TAF1: variants seen among roughly 807,000 people sequenced by gnomAD.
TAF1 encodes the protein transcription initiation factor TFIID subunit 1.
In TAF1, 2 loss-of-function variants were observed where a neutral mutation model predicts 138.5. The observed-to-expected ratio is 0.01, with a 90% CI of 0.01 to 0.05. The LOEUF (loss-of-function observed/expected upper bound fraction) is 0.05, where lower values mean the gene tolerates loss of function less well. Ranked by LOEUF, TAF1 falls within the 10% of genes least tolerant of loss-of-function variation. The pLI is 1.00. For synonymous variants in TAF1, 437 were observed against 503.2 expected, an observed-to-expected ratio of 0.87 and a Z score of 1.76; for missense variants, 709 against 1,478.0, an observed-to-expected ratio of 0.48 and a Z score of 8.53.
At chrX:71,396,159 AAAAT>A (rs1260244916) in intron 22 of TAF1, among the ~76,000 whole-genome samples, 4 of 109,734 alleles carry the variant, frequency 3.6e-5, no homozygotes, top group Non-Finnish European at 5.7e-5. Flanking sequence ...AAAAAAAAAA[AAAAT>A]AACCTACATT....
intron 9 of TAF1, 54 bp downstream of exon 9, chrX:71,381,973 T>C: frequency 3.6e-6 from 4 of 1,098,081 alleles, no homozygotes; most frequent in Non-Finnish European, 1.2e-6. Flanking sequence ...TTGCTGTTAA[T>C]GTCAACGGGC....
chrX:71,424,679 A>G (rs1323379103), intron 32 of TAF1, among the ~76,000 whole-genome samples: 1 of 111,924 alleles, frequency 8.9e-6, no homozygotes, highest in Admixed American at 9.5e-5. Context: ...CAGGAGTGCA[A>G]TGGCACGATC....
intron 32 of TAF1, among the ~76,000 whole-genome samples, chrX:71,438,277 C>T (rs951480110): frequency 4.5e-5 from 5 of 111,763 alleles, no homozygotes; most frequent in African/African-American, 1.6e-4. Flanking sequence ...GGTAACTCCC[C>T]TTCTTCCCAG....
At chrX:71,405,682 G>A (rs1349283781) in intron 25 of TAF1, among the ~76,000 whole-genome samples, 1 of 111,892 alleles carries the variant, frequency 8.9e-6, no homozygotes, top group Non-Finnish European at 1.9e-5. Context: ...ACTAATATCC[G>A]TAATAGTCAT....
chrX:71,444,164 C>T (rs1202519934), intron 32 of TAF1, among the ~76,000 whole-genome samples: 1 of 110,460 alleles, frequency 9.1e-6, no homozygotes, highest in Admixed American at 9.7e-5. Context: ...CCTGCTATTA[C>T]GCCTGGCTAA....
At chrX:71,518,537 T>G (rs1031248020) in intron 13 of TAF1, among the ~76,000 whole-genome samples, 1 of 110,951 alleles carries the variant, frequency 9.0e-6, no homozygotes, top group Non-Finnish European at 1.9e-5. Flanking sequence ...TTCTGTGGGA[T>G]TCTAAATACA....
intron 13 of TAF1, among the ~76,000 whole-genome samples, chrX:71,483,776 C>CTATATATA (rs1292946317): frequency 2.7e-4 from 17 of 63,580 alleles, no homozygotes; most frequent in South Asian, 9.1e-4. Flanking sequence ...CTCTCTCTCT[C>CTATATATA]TCTCTATATA....
At chrX:71,405,991 T>A (rs185581919) in intron 25 of TAF1, among the ~76,000 whole-genome samples, 117 of 111,839 alleles carry the variant, frequency 1.0e-3, no homozygotes, top group South Asian at 3.0e-3. Flanking sequence ...AACCAGTTTT[T>A]AATTTCTTGT....
Position 71,519,301 on chromosome X carries a change from C to T in TAF1, c.1367-9241C>T, listed in dbSNP as rs745688601. Among the ~76,000 whole-genome samples the T allele has an allele frequency of 4.4e-5, 4 of 90,579 alleles. No homozygotes were observed. In the East Asian group the frequency reaches 1.1e-3, roughly 24 times the overall value. 78.7% of individuals were successfully genotyped at this position (90,579 alleles called of 115,157 possible). ...TCAAGCCACTGCACTCTAGCCTGGG[C>T]GACAGAGCGAGACTCCGTCTCAAAA... is the stretch of plus-strand genomic sequence containing the variant. On this transcript the variant is annotated intron_variant and NMD_transcript_variant, in intron 13 of 14. Transcript: ENST00000373775.
At chrX:71,524,669 G>A (rs937723176) in intron 13 of TAF1, among the ~76,000 whole-genome samples, 1 of 109,274 alleles carries the variant, frequency 9.2e-6, no homozygotes, top group Non-Finnish European at 1.9e-5. Flanking sequence ...ATGGCTGGGT[G>A]TGGTGGCTCA....
At chrX:71,481,140 G>A (rs772189031) in intron 13 of TAF1, among the ~76,000 whole-genome samples, 38 of 111,893 alleles carry the variant, frequency 3.4e-4, no homozygotes, top group Non-Finnish European at 6.0e-4. Context: ...GTAGCCAGAC[G>A]TGGTGGTGCA....
intron 36 of TAF1, 25 bp from the exon 37 acceptor site, chrX:71,460,601 A>G (rs1363730731): frequency 6.6e-6 from 8 of 1,205,493 alleles, no homozygotes; most frequent in Non-Finnish European, 9.0e-6. Context: ...ACTCTTGATG[A>G]CCCAGAATCT....
intron 5 of TAF1, 130 bp downstream of exon 5, chrX:71,377,321 T>C: frequency 1.0e-6 from 1 of 996,689 alleles, no homozygotes; most frequent in Non-Finnish European, 1.3e-6. Flanking sequence ...ACATAAGAGC[T>C]CTTCACACTG....
At chrX:71,440,195 A>C (rs2037344205) in intron 32 of TAF1, among the ~76,000 whole-genome samples, 1 of 111,928 alleles carries the variant, frequency 8.9e-6, no homozygotes, top group African/African-American at 3.2e-5. Context: ...GGAATAGTAT[A>C]ATATGTAACC....
chrX:71,404,703 T>TC (rs767545963), intron 25 of TAF1, among the ~76,000 whole-genome samples: 2 of 111,609 alleles, frequency 1.8e-5, no homozygotes, highest in South Asian at 3.7e-4. Flanking sequence ...GATCTTTTTT[T>TC]CTCATCTTCC....
intron 32 of TAF1, among the ~76,000 whole-genome samples, chrX:71,443,987 A>G (rs1292303854): frequency 9.0e-6 from 1 of 110,982 alleles, no homozygotes; most frequent in Non-Finnish European, 1.9e-5. Flanking sequence ...TTGAGATTAC[A>G]GGCCATGACC....
At chrX:71,497,537 G>A (rs1395590451) in intron 13 of TAF1, among the ~76,000 whole-genome samples, 2 of 111,620 alleles carry the variant, frequency 1.8e-5, no homozygotes, top group African/African-American at 6.5e-5. Context: ...TAAACAGTGA[G>A]GCCAGCCTTT....
At chrX:71,367,696 A>G in intron 2 of TAF1, 83 bp downstream of exon 2, 2 of 1,058,800 alleles carry the variant, frequency 1.9e-6, no homozygotes, top group Non-Finnish European at 2.6e-6. Flanking sequence ...TGTAAGACGG[A>G]GTTTCGCTCT....
At chrX:71,427,873 A>G (rs1297747447) in intron 32 of TAF1, among the ~76,000 whole-genome samples, 1 of 101,921 alleles carries the variant, frequency 9.8e-6, no homozygotes, top group Non-Finnish European at 2.0e-5. Flanking sequence ...TGGGAGGTAG[A>G]GGTTGCGGTG....
Sources: allele counts gnomAD v4.1 joint callset (sites outside exome capture counted in the v4.1 genomes callset), GRCh38; gene constraint gnomAD v4.1.1; transcripts MANE v1.5; gene names NCBI Gene and HGNC (gene_info 2026-07-23, HGNC 2026-07-21).